NELL1: variants seen among roughly 807,000 people sequenced by gnomAD.
NELL1 encodes neural EGFL like 1.
NELL1 carries 76 observed loss-of-function variants against 107.4 expected under a neutral mutation model. The observed-to-expected ratio is 0.71, with a 90% CI of 0.59 to 0.86. The LOEUF (loss-of-function observed/expected upper bound fraction) is 0.86. NELL1 is among the 40% of genes least tolerant of loss of function. The pLI is 0.00. For synonymous variants in NELL1, 353 were observed against 341.2 expected (o/e 1.03, Z -0.38); for missense variants, 1,024 against 1,005.5 (o/e 1.02, Z -0.25).
intron 10 of NELL1, among the ~76,000 whole-genome samples, chr11:20,938,269 C>T (rs1850770166): frequency 1.3e-5 from 2 of 152,080 alleles, no homozygotes; most frequent in South Asian, 4.2e-4. Flanking sequence ...CCTGCCTGCC[C>T]CTCCCATGCA....
intron 12 of NELL1, among the ~76,000 whole-genome samples, chr11:21,031,189 C>T (rs963285922): frequency 2.6e-5 from 4 of 152,042 alleles, no homozygotes; most frequent in East Asian, 1.9e-4. Flanking sequence ...ACAGATAGAC[C>T]GTTCTGTGCA....
chr11:21,344,887 A>T (rs1850652502), intron 14 of NELL1, among the ~76,000 whole-genome samples: 1 of 152,220 alleles, frequency 6.6e-6, no homozygotes, highest in Admixed American at 6.5e-5. Flanking sequence ...GGAAAAAAAA[A>T]AATGTGTCAA....
At chr11:21,302,723 G>T (rs1849520313) in intron 14 of NELL1, among the ~76,000 whole-genome samples, 1 of 151,770 alleles carries the variant, frequency 6.6e-6, no homozygotes, top group Non-Finnish European at 1.5e-5. Flanking sequence ...TTTTTCCTGT[G>T]AGTGAAACAC....
intron 15 of NELL1, among the ~76,000 whole-genome samples, chr11:21,463,819 T>C (rs1853958448): frequency 6.6e-6 from 1 of 152,180 alleles, no homozygotes; most frequent in African/African-American, 2.4e-5. Context: ...TTCCATGAGA[T>C]CTAGGGACTC....
chr11:21,375,511 G>A (rs554776514), intron 15 of NELL1, among the ~76,000 whole-genome samples: 19 of 152,218 alleles, frequency 1.2e-4, no homozygotes, highest in African/African-American at 3.4e-4. Context: ...GTGCTGCAAC[G>A]AACATGTGAG....
intron 13 of NELL1, among the ~76,000 whole-genome samples, chr11:21,141,880 A>G (rs1190002376): frequency 6.6e-6 from 1 of 151,704 alleles, no homozygotes; most frequent in Non-Finnish European, 1.5e-5. Context: ...TCTCCTTCCT[A>G]AGCCTCCGGA....
intron 2 of NELL1, among the ~76,000 whole-genome samples, chr11:20,738,311 A>G (rs1855809406): frequency 6.6e-6 from 1 of 152,160 alleles, no homozygotes; most frequent in Admixed American, 6.5e-5. Context: ...CCTGGCACAC[A>G]GGAGTGCACA....
chr11:21,081,944 C>G (rs544771575), intron 12 of NELL1, among the ~76,000 whole-genome samples: 2 of 152,152 alleles, frequency 1.3e-5, no homozygotes, highest in Admixed American at 6.6e-5. Flanking sequence ...GATGGGGGAA[C>G]TGAGATTTAG....
At chr11:20,708,530 A>G (rs753379253) in intron 2 of NELL1, among the ~76,000 whole-genome samples, 4 of 151,864 alleles carry the variant, frequency 2.6e-5, no homozygotes, top group Non-Finnish European at 5.9e-5. Flanking sequence ...TCTTTTGAGA[A>G]TTGTCTATTC....
intron 12 of NELL1, among the ~76,000 whole-genome samples, chr11:21,034,452 T>C (rs1176182026): frequency 6.6e-6 from 1 of 152,216 alleles, no homozygotes; most frequent in Admixed American, 6.5e-5. Flanking sequence ...TACATTCTTC[T>C]CATTGCCACA....
chr11:21,415,232 A>G (rs1455674819), intron 15 of NELL1, among the ~76,000 whole-genome samples: 1 of 152,102 alleles, frequency 6.6e-6, no homozygotes, highest in East Asian at 1.9e-4. Flanking sequence ...CTTATAAAAG[A>G]AAGACCAGGG....
At chr11:21,522,834 C>CTTTTTTT (rs66707466) in intron 15 of NELL1, among the ~76,000 whole-genome samples, 717 of 68,506 alleles carry the variant, frequency 0.01, 30 homozygotes, top group Non-Finnish European at 0.014. Flanking sequence ...TTTTTCTTTT[C>CTTTTTTT]TTTTTTTTTT....
intron 14 of NELL1, among the ~76,000 whole-genome samples, chr11:21,327,845 T>C (rs1021714680): frequency 2.0e-5 from 3 of 152,152 alleles, no homozygotes; most frequent in Admixed American, 1.3e-4. Context: ...ACTCTTGCTA[T>C]GCAAAGAGAC....
chr11:21,075,213 C>A lies in NELL1; in HGVS notation c.1301-38376C>A, dbSNP rs1037338089. Among the ~76,000 whole-genome samples the A allele has an allele frequency of 5.3e-5, 8 of 152,096 alleles. No individual in the cohort carries two copies. The South Asian group carries it at 1.2e-3, about 24-fold the overall frequency. ...CTACACCCAAGAAACTCCTGAATAT[C>A]GGAATTTAGTACCTTTTAAATCTGC... On this transcript the variant is annotated intron_variant, in intron 12 of 19. Coordinates refer to ENST00000357134, the MANE Select transcript of NELL1 (RefSeq NM_006157.5).
At chr11:20,904,604 AT>A (rs2053532448) in intron 5 of NELL1, among the ~76,000 whole-genome samples, 1 of 152,130 alleles carries the variant, frequency 6.6e-6, no homozygotes, top group African/African-American at 2.4e-5. Flanking sequence ...AGCCATATGC[AT>A]GCCTAGGGCA....
At chr11:20,895,043 G>C (rs1018755750) in intron 5 of NELL1, among the ~76,000 whole-genome samples, 1 of 149,160 alleles carries the variant, frequency 6.7e-6, no homozygotes, top group Non-Finnish European at 1.5e-5. Flanking sequence ...AGGCCGAGGC[G>C]GGCGGATCAC....
intron 12 of NELL1, among the ~76,000 whole-genome samples, chr11:21,046,319 T>C (rs1252444973): frequency 1.3e-5 from 2 of 152,194 alleles, no homozygotes; most frequent in Non-Finnish European, 2.9e-5. Context: ...ACAGCACTTA[T>C]CATATATGTT....
intron 2 of NELL1, among the ~76,000 whole-genome samples, chr11:20,760,109 T>C (rs535458922): frequency 1.2e-4 from 18 of 152,292 alleles, no homozygotes; most frequent in Admixed American, 3.9e-4. Flanking sequence ...TCAGAACATA[T>C]AGCGGCTATA....
chr11:21,383,638 G>C (rs1590886782), intron 15 of NELL1, among the ~76,000 whole-genome samples: 2 of 146,876 alleles, frequency 1.4e-5, no homozygotes, highest in South Asian at 4.2e-4. Context: ...TACTCTTTCT[G>C]ACTATTACAC....
Sources: gnomAD v4.1 joint callset for allele counts (sites outside exome capture counted in the v4.1 genomes callset) on GRCh38, gnomAD v4.1.1 for gene constraint, MANE v1.5 for transcripts, NCBI Gene and HGNC (gene_info 2026-07-23, HGNC 2026-07-21) for gene names.